The following CPNE8 variants were observed in gnomAD, a reference collection of about 807,000 sequenced individuals.
CPNE8 encodes the protein copine 8.
A neutral mutation model predicts 81.5 loss-of-function variants in CPNE8; 45 were observed. The ratio of observed to expected loss-of-function variants is 0.55; its 90% CI spans 0.44 to 0.71. The LOEUF (loss-of-function observed/expected upper bound fraction) is 0.71. Among genes scored for constraint, CPNE8 ranks in the 30% least tolerant of loss-of-function variants. The pLI, the probability that CPNE8 is intolerant of heterozygous loss-of-function variation, is 0.00. For missense variants in CPNE8, 594 were observed against 672.1 expected (o/e 0.88, Z 1.28); for synonymous variants, 252 against 226.3 (o/e 1.11, Z -1.02).
chr12:38,743,786 C>T (rs998472439), intron 10 of CPNE8, among the ~76,000 whole-genome samples: 1 of 148,038 alleles, frequency 6.8e-6, no homozygotes, highest in Non-Finnish European at 1.5e-5. Context: ...TTAGGAGATA[C>T]ATAACGTATC....
intron 19 of CPNE8, among the ~76,000 whole-genome samples, chr12:38,661,595 T>C (rs1280506588): frequency 6.6e-6 from 1 of 152,052 alleles, no homozygotes; most frequent in Non-Finnish European, 1.5e-5. Context: ...ACTTGAAGTA[T>C]AATAAAAATA....
chr12:38,877,461 T>A (rs984182883), intron 1 of CPNE8, among the ~76,000 whole-genome samples: 1 of 152,070 alleles, frequency 6.6e-6, no homozygotes, highest in African/African-American at 2.4e-5. Flanking sequence ...ACTTTGTTCC[T>A]ACCATTTTAT....
At chr12:38,717,456 T>TAC (rs1565581497) in intron 13 of CPNE8, among the ~76,000 whole-genome samples, 2 of 139,500 alleles carry the variant, frequency 1.4e-5, no homozygotes, top group South Asian at 2.3e-4. Context: ...TATATATATA[T>TAC]ATACACCATG....
intron 3 of CPNE8, among the ~76,000 whole-genome samples, chr12:38,870,880 C>T (rs112999063): frequency 0.039 from 5,901 of 151,718 alleles, 147 homozygotes; most frequent in Non-Finnish European, 0.061. Context: ...TTGTCATTTA[C>T]AACTGGGTAA....
chr12:38,862,656 TAGAAG>T (rs1418599135), intron 3 of CPNE8, among the ~76,000 whole-genome samples: 3 of 152,130 alleles, frequency 2.0e-5, no homozygotes, highest in African/African-American at 2.4e-5. Flanking sequence ...CTCAAGAACT[TAGAAG>T]AGAAAGGCTG....
At chr12:38,800,999 G>T (rs1368369542) in intron 6 of CPNE8, among the ~76,000 whole-genome samples, 1 of 150,290 alleles carries the variant, frequency 6.7e-6, no homozygotes, top group African/African-American at 2.5e-5. Context: ...AAGAAATATG[G>T]GACTACGTGA....
chr12:38,895,964 C>A (rs1944383016), intron 1 of CPNE8, among the ~76,000 whole-genome samples: 1 of 152,058 alleles, frequency 6.6e-6, no homozygotes, highest in Non-Finnish European at 1.5e-5. Flanking sequence ...ACCTCAATTT[C>A]TTCACTTGTA....
At position 38,877,068 on chromosome 12, in the gene CPNE8, T is replaced by C. The variant is rs186566048; in HGVS notation, c.99-2557A>G. On this transcript the variant is annotated intron_variant, in intron 1 of 19. Coordinates refer to ENST00000331366, the MANE Select transcript of CPNE8 (RefSeq NM_153634.3). ...ATGTACACAGCCCAGTACAGAATAA[T>C]CTAATGGTACCAATCATTCTGAATC... Among the ~76,000 whole-genome samples, 216 of 152,300 alleles carry C rather than the reference T, an allele frequency of 1.4e-3. 1 individual carries two copies. Among genetic ancestry groups the C allele is most frequent in the African/African-American group, 4.9e-3 (204 of 41,580 alleles).
intron 11 of CPNE8, among the ~76,000 whole-genome samples, chr12:38,726,190 T>C (rs1940692383): frequency 6.6e-6 from 1 of 151,512 alleles, no homozygotes; most frequent in South Asian, 2.1e-4. Context: ...AGGCAACAGT[T>C]AGGGTCCTAT....
In CPNE8 at chr12:38,673,920, G is replaced by T. The variant is rs1462206780; in HGVS notation, c.1432+1797C>A. ...AAGGAGAAGTCCTGGAGATAAGAATGAGATAATTTAATTTTGGAGGGAAAA... is the reference window on the plus strand; with the variant it reads ...AAGGAGAAGTCCTGGAGATAAGAATTAGATAATTTAATTTTGGAGGGAAAA... On this transcript the variant is annotated intron_variant, in intron 18 of 19. Coordinates refer to ENST00000331366, the MANE Select transcript of CPNE8 (RefSeq NM_153634.3). 2.0e-5 allele frequency among the ~76,000 whole-genome samples: 3 copies of T among 151,966 alleles called. No individual in the cohort carries two copies. The East Asian group carries it at 5.8e-4, about 29-fold the overall frequency.
chr12:38,872,139 C>CA (rs371743585), intron 3 of CPNE8, among the ~76,000 whole-genome samples: 2,673 of 146,982 alleles, frequency 0.018, 40 homozygotes, highest in South Asian at 0.042. Context: ...CTGTCTCAAA[C>CA]AAAAAAAAAA....
chr12:38,855,088 T>C (rs1008476992), intron 3 of CPNE8, among the ~76,000 whole-genome samples: 1 of 152,002 alleles, frequency 6.6e-6, no homozygotes, highest in Non-Finnish European at 1.5e-5. Flanking sequence ...CAGTAGTATT[T>C]CTTTACACTA....
At chr12:38,660,915 C>T (rs1290357129) in intron 19 of CPNE8, among the ~76,000 whole-genome samples, 2 of 152,168 alleles carry the variant, frequency 1.3e-5, no homozygotes, top group Non-Finnish European at 2.9e-5. Context: ...GAGATACCAT[C>T]TCACACCAGT....
At chr12:38,669,057 AAAAAAT>A (rs1175564617) in intron 19 of CPNE8, among the ~76,000 whole-genome samples, 1 of 152,048 alleles carries the variant, frequency 6.6e-6, no homozygotes, top group Admixed American at 6.6e-5. Context: ...GCCTCAAAAA[AAAAAAT>A]AAAATAAATA....
At chr12:38,883,933 G>A (rs1229193049) in intron 1 of CPNE8, among the ~76,000 whole-genome samples, 1 of 152,124 alleles carries the variant, frequency 6.6e-6, no homozygotes, top group East Asian at 1.9e-4. Context: ...GCGTCCCTAG[G>A]CCTACGGCAC....
chr12:38,741,229 T>C (rs1417778134), intron 10 of CPNE8, among the ~76,000 whole-genome samples: 9 of 152,064 alleles, frequency 5.9e-5, no homozygotes, highest in Non-Finnish European at 1.3e-4. Context: ...CCCAAGTCAA[T>C]CCTAAGCCAA....
intron 1 of CPNE8, among the ~76,000 whole-genome samples, chr12:38,883,866 A>C (rs1944199075): frequency 6.6e-6 from 1 of 152,178 alleles, no homozygotes; most frequent in Admixed American, 6.5e-5. Flanking sequence ...ACAGTGTCTA[A>C]CTTTCTGGTC....
chr12:38,667,892 G>A lies in CPNE8; in HGVS notation c.1506+2837C>T, dbSNP rs184356217. Among the ~76,000 whole-genome samples, 34 of 152,126 alleles carry A rather than the reference G, an allele frequency of 2.2e-4. No homozygotes were observed. In the East Asian group the frequency reaches 5.8e-3, roughly 26 times the overall value. ...GGCTCACCGCAATCTCCACCTCCTG[G>A]GCTCAAGCAATTCTCTTGCCTCCGC... On this transcript the variant is annotated intron_variant, in intron 19 of 19. Transcript: ENST00000331366.
intron 11 of CPNE8, among the ~76,000 whole-genome samples, chr12:38,727,034 C>T (rs562149039): frequency 2.0e-5 from 3 of 152,164 alleles, no homozygotes; most frequent in South Asian, 2.1e-4. Context: ...AAATAATGGA[C>T]TAGGGAAGTC....
Sources: gnomAD v4.1 joint callset for allele counts (sites outside exome capture counted in the v4.1 genomes callset) on GRCh38, gnomAD v4.1.1 for gene constraint, MANE v1.5 for transcripts, NCBI Gene and HGNC (gene_info 2026-07-23, HGNC 2026-07-21) for gene names.